Variants in PCCA observed in about 807,000 individuals in gnomAD.
The protein encoded by PCCA is propionyl-CoA carboxylase subunit alpha.
PCCA carries 74 observed loss-of-function variants against 101.3 expected under a neutral mutation model. That is an observed-to-expected ratio of 0.73 (90% CI 0.61 to 0.89). The LOEUF (loss-of-function observed/expected upper bound fraction) is 0.89. Among genes scored for constraint, PCCA ranks in the 40% least tolerant of loss-of-function variants. The probability of loss-of-function intolerance (pLI) is 0.00; values close to 1 mark genes in which losing one functional copy is unlikely to be tolerated. For missense variants in PCCA, 891 were observed against 907.0 expected (o/e 0.98, Z 0.23); for synonymous variants, 294 against 313.6 (o/e 0.94, Z 0.66).
At chr13:100,400,282 G>C (rs1299440242) in intron 19 of PCCA, among the ~76,000 whole-genome samples, 1 of 152,166 alleles carries the variant, frequency 6.6e-6, no homozygotes, top group African/African-American at 2.4e-5. Flanking sequence ...ACCCTCTGCT[G>C]TTGTCAGGTT....
intron 17 of PCCA, among the ~76,000 whole-genome samples, chr13:100,339,901 G>A (rs2071043552): frequency 6.6e-6 from 1 of 152,068 alleles, no homozygotes; most frequent in Non-Finnish European, 1.5e-5. Flanking sequence ...TCTTTGTTCT[G>A]TGCATCTGTT....
rs77851699 is a variant in PCCA, at chr13:100,371,466, G to T, written c.1746+2892G>T. Among the ~76,000 whole-genome samples the T allele has an allele frequency of 5.0e-3, 758 of 152,264 alleles. 8 individuals are homozygous for T. The highest frequency in any genetic ancestry group is 0.017 in the African/African-American group (715 of 41,556). Reference sequence around the variant, plus strand: ...GTCAGGGACTAGAAGACTTAATATGGTTAAAATATCAGTACCTCTCAGCTA... The same window carrying T: ...GTCAGGGACTAGAAGACTTAATATGTTTAAAATATCAGTACCTCTCAGCTA... On this transcript the variant is annotated intron_variant, in intron 19 of 23. Transcript: ENST00000376285.
intron 10 of PCCA, 37 bp from the exon 11 acceptor site, chr13:100,268,652 T>G: frequency 7.1e-7 from 1 of 1,403,766 alleles, no homozygotes; most frequent in Non-Finnish European, 1.0e-6. Flanking sequence ...TTTGTGGGTG[T>G]GGTTATATGG....
chr13:100,135,563 G>A (rs1029536418), intron 4 of PCCA, among the ~76,000 whole-genome samples: 2 of 152,138 alleles, frequency 1.3e-5, no homozygotes, highest in African/African-American at 2.4e-5. Flanking sequence ...ATTTTCGTAG[G>A]TTCCTTGGGG....
chr13:100,197,026 T>G (rs1033460143), intron 6 of PCCA, among the ~76,000 whole-genome samples: 13 of 152,136 alleles, frequency 8.5e-5, no homozygotes, highest in African/African-American at 3.1e-4. Context: ...TTAATTAGGA[T>G]TTATATTCCA....
chr13:100,476,056 G>T (rs942625122), intron 21 of PCCA, among the ~76,000 whole-genome samples: 1 of 152,068 alleles, frequency 6.6e-6, no homozygotes, highest in Non-Finnish European at 1.5e-5. Flanking sequence ...AGATGATTTC[G>T]ATATGAAGCA....
intron 9 of PCCA, 69 bp downstream of exon 9, chr13:100,257,742 TA>T: frequency 9.6e-7 from 1 of 1,039,424 alleles, no homozygotes; most frequent in South Asian, 1.3e-5. Flanking sequence ...AACTGACAGG[TA>T]AACAGATACC....
intron 1 of PCCA, among the ~76,000 whole-genome samples, chr13:100,096,409 A>G (rs528666845): frequency 2.6e-5 from 4 of 152,224 alleles, no homozygotes; most frequent in African/African-American, 9.6e-5. Flanking sequence ...TGACTTCTCC[A>G]AGCAGTTATT....
At chr13:100,373,250 C>T (rs1011909647) in intron 19 of PCCA, among the ~76,000 whole-genome samples, 3 of 152,130 alleles carry the variant, frequency 2.0e-5, no homozygotes, top group East Asian at 1.9e-4. Context: ...ACCTCCCACC[C>T]GTTAGAATGG....
chr13:100,132,270 C>CCATTACCCCTCAGACTCCCTCGTGAGT (rs2050597759), intron 4 of PCCA, among the ~76,000 whole-genome samples: 1 of 133,798 alleles, frequency 7.5e-6, no homozygotes, highest in Non-Finnish European at 1.6e-5. Context: ...CAGAGTAGTT[C>CCATTACCCCTCAGACTCCCTCGTGAGT]CATTACCCCT....
chr13:100,105,352 G>T (rs1349699047), intron 2 of PCCA, among the ~76,000 whole-genome samples: 1 of 152,124 alleles, frequency 6.6e-6, no homozygotes, highest in East Asian at 1.9e-4. Context: ...TGGGGTTCAT[G>T]TATCCATGTG....
intron 12 of PCCA, among the ~76,000 whole-genome samples, chr13:100,281,258 A>G (rs568212979): frequency 8.5e-5 from 13 of 152,212 alleles, no homozygotes; most frequent in Non-Finnish European, 1.3e-4. Context: ...TGCGGTAAGG[A>G]TGAATCTTCC....
At chr13:100,466,311 G>C (rs1158667723) in intron 21 of PCCA, 1 of 152,104 alleles carries the variant, frequency 6.6e-6, no homozygotes, top group Non-Finnish European at 1.5e-5. Flanking sequence ...ATATTTTGTG[G>C]CGCTTCCCCC....
chr13:100,457,221 A>T (rs1595983154), intron 21 of PCCA, among the ~76,000 whole-genome samples: 1 of 152,302 alleles, frequency 6.6e-6, no homozygotes, highest in African/African-American at 2.4e-5. Context: ...TTGTATTATG[A>T]CTATTCTTAT....
intron 10 of PCCA, among the ~76,000 whole-genome samples, chr13:100,268,012 A>C (rs1371708722): frequency 1.3e-5 from 2 of 152,142 alleles, no homozygotes; most frequent in Non-Finnish European, 2.9e-5. Flanking sequence ...GAATATTTGC[A>C]TTTATACCTG....
intron 6 of PCCA, among the ~76,000 whole-genome samples, chr13:100,208,680 C>G (rs368607269): frequency 1.3e-5 from 2 of 151,924 alleles, no homozygotes; most frequent in Admixed American, 1.3e-4. Flanking sequence ...AGAGGTAGAT[C>G]CATTGTCAAG....
chr13:100,497,461 ATT>A (rs760521573), intron 21 of PCCA, among the ~76,000 whole-genome samples: 8 of 142,634 alleles, frequency 5.6e-5, no homozygotes, highest in East Asian at 2.0e-4. Context: ...AGCCAATTTA[ATT>A]TTTTTTTTTT....
At chr13:100,374,305 A>T (rs909622230) in intron 19 of PCCA, among the ~76,000 whole-genome samples, 1 of 152,130 alleles carries the variant, frequency 6.6e-6, no homozygotes, top group African/African-American at 2.4e-5. Context: ...ATAGTATAAA[A>T]CCTGCTAGAC....
chr13:100,407,604 G>T (rs2077761296), intron 19 of PCCA, among the ~76,000 whole-genome samples: 3 of 152,264 alleles, frequency 2.0e-5, no homozygotes, highest in African/African-American at 7.2e-5. Flanking sequence ...TTGGAATTTA[G>T]TCAATATGTT....
Sources: allele counts gnomAD v4.1 joint callset (sites outside exome capture counted in the v4.1 genomes callset), GRCh38; gene constraint gnomAD v4.1.1; transcripts MANE v1.5; gene names NCBI Gene and HGNC (gene_info 2026-07-23, HGNC 2026-07-21).